The following ZNF254 variants were observed in gnomAD, a reference collection of about 807,000 sequenced individuals.
ZNF254 encodes the protein zinc finger protein 254, also known as CTD-2017D11.1.
Under a neutral mutation model 12.4 loss-of-function variants are expected in ZNF254, and 10 were observed. The ratio of observed to expected loss-of-function variants is 0.80; its 90% CI spans 0.50 to 1.36. The LOEUF (loss-of-function observed/expected upper bound fraction) is 1.36. Among genes scored for constraint, ZNF254 ranks in the 40% most tolerant of loss-of-function variants. The probability of loss-of-function intolerance (pLI) is 0.00; values close to 1 mark genes in which losing one functional copy is unlikely to be tolerated. For missense variants in ZNF254, 996 were observed against 763.9 expected (o/e 1.30, Z -3.58); for synonymous variants, 305 against 253.4 (o/e 1.20, Z -1.93).
At chr19:24,102,972 A>G (rs1315786156) in intron 1 of ZNF254, among the ~76,000 whole-genome samples, 4 of 152,204 alleles carry the variant, frequency 2.6e-5, no homozygotes, top group Non-Finnish European at 5.9e-5. Context: ...GACACTTAGT[A>G]TCAACTCACA....
chr19:24,045,786 G>A (rs373014867), intron 1 of ZNF254, among the ~76,000 whole-genome samples: 14 of 152,120 alleles, frequency 9.2e-5, no homozygotes, highest in South Asian at 4.2e-4. Context: ...TCAGAGTGTG[G>A]TGTTTCTCTA....
At chr19:24,069,902 G>C (rs1210912581) in intron 2 of ZNF254, among the ~76,000 whole-genome samples, 1 of 152,184 alleles carries the variant, frequency 6.6e-6, no homozygotes, top group African/African-American at 2.4e-5. Context: ...TCCAGCCTGG[G>C]CAGCAGAGTG....
chr19:24,067,311 C>T (rs1343842127), intron 2 of ZNF254, among the ~76,000 whole-genome samples: 2 of 151,934 alleles, frequency 1.3e-5, no homozygotes, highest in Non-Finnish European at 2.9e-5. Context: ...TTGGGCCCAG[C>T]ACACAGGGGA....
intron 2 of ZNF254, among the ~76,000 whole-genome samples, chr19:24,058,595 A>G (rs1349565548): frequency 6.6e-6 from 1 of 151,838 alleles, no homozygotes; most frequent in Non-Finnish European, 1.5e-5. Context: ...TTTAGTAGAG[A>G]CAGGGTTTCT....
In ZNF254 at chr19:24,128,796, A is replaced by G. The variant is rs1023639583; in HGVS notation, c.*816A>G. 3 of 152,094 alleles carry G rather than the reference A, an allele frequency of 2.0e-5. No individual in the cohort carries two copies. Among genetic ancestry groups the G allele is most frequent in the African/African-American group, 4.8e-5 (2 of 41,448 alleles). The allele number at this position is 152,094 out of a possible 1,614,324, so 9.4% of individuals were successfully genotyped here. On this transcript the variant is annotated 3_prime_UTR_variant, in exon 4 of 4. Coordinates refer to ENST00000357002, the MANE Select transcript of ZNF254 (RefSeq NM_203282.4). The stretch of plus-strand genomic sequence containing the variant: ...ATTACACTAAATCAGAGTGCTGAGT[A>G]TAGAAAATAATACAAACAGATTTGT...
chr19:24,123,194 A>G (rs1014864461), intron 3 of ZNF254, among the ~76,000 whole-genome samples: 2 of 152,118 alleles, frequency 1.3e-5, no homozygotes, highest in Non-Finnish European at 2.9e-5. Flanking sequence ...GTGTTGTTTA[A>G]TTTCTATGTA....
At position 24,127,288 on chromosome 19, in the gene ZNF254, G is replaced by A. The variant is rs571230223; in HGVS notation, c.1288G>A (p.Gly430Arg). Residue 430 changes from glycine to arginine, a missense_variant, in exon 4 of 4, where the codon GGA (glycine) becomes AGA (arginine). Transcript: ENST00000357002. ...TACTACACATAAGATAATTCATACTGGAGAGAAACCTTACAAGTGTGAAGA... is the reference window on the plus strand; with the variant it reads ...TACTACACATAAGATAATTCATACTAGAGAGAAACCTTACAAGTGTGAAGA... ...NLTTHKIIHT[G>R]EKPYKCEECG... is the part of the protein sequence containing the mutation. 88 of 1,612,060 alleles carry A rather than the reference G, an allele frequency of 5.5e-5. No individual in the cohort carries two copies. The African/African-American group carries it at 1.1e-3, about 20-fold the overall frequency.
intron 2 of ZNF254, among the ~76,000 whole-genome samples, chr19:24,074,831 T>C (rs1971601210): frequency 6.6e-6 from 1 of 152,168 alleles, no homozygotes; most frequent in African/African-American, 2.4e-5. Flanking sequence ...CTGTGAGCCC[T>C]ACCCACAGGG....
chr19:24,076,672 G>C (rs1013841663), intron 2 of ZNF254, among the ~76,000 whole-genome samples: 2 of 152,158 alleles, frequency 1.3e-5, no homozygotes, highest in Admixed American at 6.5e-5. Context: ...ATAAGAAATG[G>C]AAGACCTAGG....
At chr19:24,086,046 A>G (rs144590524), upstream of ZNF254, among the ~76,000 whole-genome samples, 29 of 151,628 alleles carry the variant, frequency 1.9e-4, no homozygotes, top group Middle Eastern at 0.01. Flanking sequence ...TCTCTACTAA[A>G]AATGCAAAAA....
rs1410746505 is a variant in ZNF254, at chr19:24,128,867, G to T, written c.*887G>T. 6.6e-6 allele frequency: 1 copy of T among 151,874 alleles called. No individual in the cohort carries two copies. The highest frequency in any genetic ancestry group is 2.4e-5 in the African/African-American group (1 of 41,390). The allele number at this position is 151,874 out of a possible 1,614,324, so 9.4% of individuals were successfully genotyped here. On this transcript the variant is annotated 3_prime_UTR_variant, in exon 4 of 4. Coordinates refer to ENST00000357002, the MANE Select transcript of ZNF254 (RefSeq NM_203282.4). ...TTAAAAATAGAATATTTTTTGGAGG[G>T]TTATAATTACATTCAAAGTACTTTT...
At chr19:24,060,432 C>A (rs533690386) in intron 2 of ZNF254, among the ~76,000 whole-genome samples, 1 of 152,238 alleles carries the variant, frequency 6.6e-6, no homozygotes, top group South Asian at 2.1e-4. Context: ...ACTACAGTGC[C>A]CAGCATCAAT....
At chr19:24,044,585 A>G (rs1970307864) in intron 1 of ZNF254, among the ~76,000 whole-genome samples, 1 of 152,106 alleles carries the variant, frequency 6.6e-6, no homozygotes, top group African/African-American at 2.4e-5. Flanking sequence ...TCAAAAATGT[A>G]TATTCTTATA....
At chr19:24,115,996 TTTTC>T (rs1432976708) in intron 3 of ZNF254, among the ~76,000 whole-genome samples, 1 of 152,236 alleles carries the variant, frequency 6.6e-6, no homozygotes, top group Non-Finnish European at 1.5e-5. Context: ...TTGAAAATTC[TTTTC>T]TTTAAGAATG....
At chr19:24,041,358 G>C (rs927310538) in intron 1 of ZNF254, among the ~76,000 whole-genome samples, 25 of 152,366 alleles carry the variant, frequency 1.6e-4, no homozygotes, top group African/African-American at 6.0e-4. Flanking sequence ...GCGCTTGCGG[G>C]CCAGCTGGAG....
chr19:24,085,319 A>G (rs1302564808), upstream of ZNF254, among the ~76,000 whole-genome samples: 2 of 147,320 alleles, frequency 1.4e-5, no homozygotes, highest in East Asian at 4.0e-4. Flanking sequence ...CTTTTATTAA[A>G]AAACATAAAA....
At chr19:24,039,815 ATGT>A (rs1167950514) in intron 1 of ZNF254, among the ~76,000 whole-genome samples, 8 of 152,312 alleles carry the variant, frequency 5.3e-5, no homozygotes, top group Non-Finnish European at 1.2e-4. Flanking sequence ...CACTGCTCTT[ATGT>A]TGTTGTGAGT....
chr19:24,055,104 G>A (rs867649043), intron 2 of ZNF254, among the ~76,000 whole-genome samples: 1 of 148,076 alleles, frequency 6.8e-6, no homozygotes, highest in Non-Finnish European at 1.5e-5. Context: ...TTGGGAGCCT[G>A]AGGCAGGAGA....
At chr19:24,051,260 T>A (rs767954503) in intron 2 of ZNF254, among the ~76,000 whole-genome samples, 1 of 152,164 alleles carries the variant, frequency 6.6e-6, no homozygotes, top group Non-Finnish European at 1.5e-5. Context: ...TGGGTTCAAG[T>A]GATTCACCTG....
Sources: allele counts gnomAD v4.1 joint callset (sites outside exome capture counted in the v4.1 genomes callset), GRCh38; gene constraint gnomAD v4.1.1; transcripts MANE v1.5; gene names NCBI Gene and HGNC (gene_info 2026-07-23, HGNC 2026-07-21).